The following DENND1A variants were observed in gnomAD, a reference collection of about 807,000 sequenced individuals.
DENND1A encodes the protein DENN domain-containing protein 1A.
Under a neutral mutation model 113.7 loss-of-function variants are expected in DENND1A, and 51 were observed. The observed-to-expected ratio is 0.45, with a 90% CI of 0.36 to 0.57. The LOEUF (loss-of-function observed/expected upper bound fraction) is 0.57, where lower values mean the gene tolerates loss of function less well. Ranked by LOEUF, DENND1A falls within the 20% of genes least tolerant of loss-of-function variation. DENND1A has a pLI of 0.00. For missense variants in DENND1A, 1,258 were observed against 1,395.9 expected (o/e 0.90, Z 1.57); for synonymous variants, 565 against 570.8 (o/e 0.99, Z 0.14).
Position 123,692,687 on chromosome 9 carries a change from G to C in DENND1A, c.303-15898C>G, listed in dbSNP as rs532346773. ...ATATAAAAGATAGCAAAGCTAATAA[G>C]ATTCTAAGAGCTACTATTAAACAAA... On this transcript the variant is annotated intron_variant, in intron 5 of 23. Transcript: ENST00000394215. Among the ~76,000 whole-genome samples, 3 of 152,302 alleles carry C rather than the reference G, an allele frequency of 2.0e-5. No homozygotes were observed. In the East Asian group the frequency reaches 5.8e-4, roughly 29 times the overall value.
At chr9:123,929,741 A>T (rs1178546668) in intron 1 of DENND1A, 148 bp downstream of exon 1, 6 of 154,208 alleles carry the variant, frequency 3.9e-5, no homozygotes, top group African/African-American at 1.3e-4. Flanking sequence ...TCGCCATAGC[A>T]ACCGTCCCCC....
intron 5 of DENND1A, among the ~76,000 whole-genome samples, chr9:123,709,120 T>G (rs1200226813): frequency 6.6e-6 from 1 of 152,282 alleles, no homozygotes; most frequent in Admixed American, 6.5e-5. Flanking sequence ...CTGTTCTATG[T>G]CTAAAAAGTG....
At chr9:123,714,131 G>A (rs17288360) in intron 5 of DENND1A, among the ~76,000 whole-genome samples, 3,929 of 152,286 alleles carry the variant, frequency 0.026, 56 homozygotes, top group Middle Eastern at 0.031. Context: ...AGAAAGGATC[G>A]GCAGTTTTAT....
chr9:123,647,523 T>C (rs1190281464), intron 9 of DENND1A, among the ~76,000 whole-genome samples: 1 of 152,218 alleles, frequency 6.6e-6, no homozygotes, highest in Non-Finnish European at 1.5e-5. Context: ...CCCAAACCAG[T>C]CTTTTCTCTC....
intron 13 of DENND1A, among the ~76,000 whole-genome samples, chr9:123,538,754 G>A (rs2056004934): frequency 5.5e-5 from 5 of 90,432 alleles, no homozygotes; most frequent in Admixed American, 5.1e-4. Flanking sequence ...GTGTGAGTGT[G>A]TGTGTGTGTG....
rs1590288940 is a variant in DENND1A at position 123,835,151 on chromosome 9, CGG to C, written c.89-42523_89-42522del. The stretch of plus-strand genomic sequence containing the variant: ...AAGCAAATGTCTCTTCTATTATACT[CGG>C]TGAACTAATCAGGACAATGAAACCA... On this transcript the variant is annotated intron_variant, in intron 2 of 23. Coordinates refer to ENST00000394215, the MANE Select transcript of DENND1A (RefSeq NM_001352964.2). Among the ~76,000 whole-genome samples, 4 of 150,914 alleles carry C rather than the reference CGG, an allele frequency of 2.7e-5. No homozygotes were observed. In the East Asian group the frequency reaches 7.7e-4, roughly 29 times the overall value.
chr9:123,736,830 G>A (rs1322994943), intron 5 of DENND1A, among the ~76,000 whole-genome samples: 2 of 152,190 alleles, frequency 1.3e-5, no homozygotes, highest in Admixed American at 1.3e-4. Context: ...GTAGATACAG[G>A]TCAGACGTCT....
At chr9:123,407,376 A>G (rs1263749980) in intron 20 of DENND1A, among the ~76,000 whole-genome samples, 1 of 152,074 alleles carries the variant, frequency 6.6e-6, no homozygotes, top group Non-Finnish European at 1.5e-5. Context: ...TTCCGTGTAC[A>G]CACTATCTCA....
intron 13 of DENND1A, among the ~76,000 whole-genome samples, chr9:123,519,150 T>C (rs2054180498): frequency 6.6e-6 from 1 of 152,204 alleles, no homozygotes; most frequent in Admixed American, 6.5e-5. Flanking sequence ...TGATGCACCA[T>C]CTGAAGGAGA....
intron 2 of DENND1A, among the ~76,000 whole-genome samples, chr9:123,799,670 T>C (rs1834323392): frequency 6.6e-6 from 1 of 152,232 alleles, no homozygotes; most frequent in South Asian, 2.1e-4. Context: ...TGAGGCCAAG[T>C]TCCATGTCTT....
intron 1 of DENND1A, among the ~76,000 whole-genome samples, chr9:123,923,873 AAC>A (rs1227115821): frequency 7.2e-5 from 11 of 152,212 alleles, no homozygotes; most frequent in Non-Finnish European, 1.6e-4. Flanking sequence ...AAACAATTTT[AAC>A]AGTTTCTCAA....
intron 1 of DENND1A, among the ~76,000 whole-genome samples, chr9:123,900,809 T>C (rs542114255): frequency 6.6e-6 from 1 of 152,340 alleles, no homozygotes; most frequent in South Asian, 2.1e-4. Flanking sequence ...CATTCCACAC[T>C]TGATAGCTCT....
intron 9 of DENND1A, among the ~76,000 whole-genome samples, chr9:123,637,764 T>G (rs961442294): frequency 2.6e-5 from 4 of 152,108 alleles, no homozygotes; most frequent in Non-Finnish European, 5.9e-5. Context: ...GCAAACAGTG[T>G]CTTGCTTTTC....
At chr9:123,886,996 C>G (rs944624930) in intron 1 of DENND1A, among the ~76,000 whole-genome samples, 1 of 152,120 alleles carries the variant, frequency 6.6e-6, no homozygotes. Flanking sequence ...AGCAAGGTAA[C>G]TGGAGGAGGG....
intron 5 of DENND1A, among the ~76,000 whole-genome samples, chr9:123,728,036 G>A (rs1329367653): frequency 6.6e-6 from 1 of 151,734 alleles, no homozygotes; most frequent in Non-Finnish European, 1.5e-5. Context: ...AACCCAGAAG[G>A]CGGAGCTTGC....
intron 5 of DENND1A, among the ~76,000 whole-genome samples, chr9:123,682,140 G>C (rs2064505105): frequency 6.6e-6 from 1 of 152,178 alleles, no homozygotes; most frequent in Non-Finnish European, 1.5e-5. Context: ...CATCTACTTT[G>C]CTATCCTAAA....
At chr9:123,789,234 G>A (rs1390805737) in intron 3 of DENND1A, among the ~76,000 whole-genome samples, 1 of 151,920 alleles carries the variant, frequency 6.6e-6, no homozygotes. Flanking sequence ...GTCTGAGGGT[G>A]TCACAGACAA....
intron 13 of DENND1A, among the ~76,000 whole-genome samples, chr9:123,469,765 CACTT>C (rs1564546990): frequency 6.6e-6 from 1 of 152,196 alleles, no homozygotes; most frequent in Non-Finnish European, 1.5e-5. Flanking sequence ...TGCATTAGCT[CACTT>C]ACTCCTCACA....
chr9:123,695,998 A>AC (rs397966343), intron 5 of DENND1A, among the ~76,000 whole-genome samples: 7 of 150,436 alleles, frequency 4.7e-5, no homozygotes, highest in East Asian at 1.9e-4. Context: ...AAAAAAAAAA[A>AC]CCCACACCAA....
Sources: gnomAD v4.1 joint callset for allele counts (sites outside exome capture counted in the v4.1 genomes callset) on GRCh38, gnomAD v4.1.1 for gene constraint, MANE v1.5 for transcripts, NCBI Gene and HGNC (gene_info 2026-07-23, HGNC 2026-07-21) for gene names.